Variants in TBC1D4 observed in about 807,000 individuals in gnomAD.
TBC1D4 encodes TBC1 domain family member 4, also known as TBC (Tre-2, BUB2, CDC16) domain-containing protein.
A neutral mutation model predicts 142.5 loss-of-function variants in TBC1D4; 121 were observed. The ratio of observed to expected loss-of-function variants is 0.85; its 90% CI spans 0.73 to 0.99. TBC1D4 has a LOEUF of 0.99. TBC1D4 is among the 50% of genes least tolerant of loss of function. TBC1D4 has a pLI of 0.00. For synonymous variants in TBC1D4, 630 were observed against 628.2 expected, an observed-to-expected ratio of 1.00 and a Z score of -0.04; for missense variants, 1,475 against 1,606.6, an observed-to-expected ratio of 0.92 and a Z score of 1.40.
intron 1 of TBC1D4, among the ~76,000 whole-genome samples, chr13:75,417,824 A>C (rs1885984056): frequency 6.6e-6 from 1 of 152,204 alleles, no homozygotes; most frequent in Non-Finnish European, 1.5e-5. Flanking sequence ...TTTCAACTCT[A>C]CTGATGAACA....
In TBC1D4 at chr13:75,474,768, C is replaced by T. The variant is rs546851951; in HGVS notation, c.498+6502G>A. 7.2e-5 allele frequency among the ~76,000 whole-genome samples: 11 copies of T among 151,924 alleles called. No homozygotes were observed. In the South Asian group the frequency reaches 2.1e-3, roughly 29 times the overall value. ...TCTCCTGCCTCAGCCTCCCAAGTAG[C>T]TGTGATTACAGGCGTATGCCACCAT... On this transcript the variant is annotated intron_variant, in intron 1 of 20. Transcript: ENST00000377636.
intron 3 of TBC1D4, 112 bp from the exon 4 acceptor site, chr13:75,356,363 T>A (rs1882048888): frequency 1.3e-6 from 1 of 783,336 alleles, no homozygotes; most frequent in Non-Finnish European, 2.2e-6. Context: ...GAATTTCTCC[T>A]TCACAGCAAT....
intron 1 of TBC1D4, among the ~76,000 whole-genome samples, chr13:75,466,539 T>C (rs1888174455): frequency 6.6e-6 from 1 of 152,204 alleles, no homozygotes; most frequent in Non-Finnish European, 1.5e-5. Flanking sequence ...AAAGCATTTG[T>C]TGTAATTCTC....
At chr13:75,360,746 G>A (rs1372680704) in intron 2 of TBC1D4, among the ~76,000 whole-genome samples, 1 of 152,118 alleles carries the variant, frequency 6.6e-6, no homozygotes, top group Non-Finnish European at 1.5e-5. Flanking sequence ...AAGGCAAAAT[G>A]TTTGTAAGTG....
At chr13:75,409,596 T>C (rs1029846766) in intron 1 of TBC1D4, among the ~76,000 whole-genome samples, 1 of 152,312 alleles carries the variant, frequency 6.6e-6, no homozygotes, top group East Asian at 1.9e-4. Flanking sequence ...GTTTAGTTCA[T>C]TCCACAGTTT....
chr13:75,462,453 G>A (rs1480883518), intron 1 of TBC1D4, among the ~76,000 whole-genome samples: 1 of 151,772 alleles, frequency 6.6e-6, no homozygotes, highest in African/African-American at 2.4e-5. Flanking sequence ...TCTCTTACTA[G>A]GTAGAAGAGT....
At chr13:75,449,231 T>C (rs1286969836) in intron 1 of TBC1D4, among the ~76,000 whole-genome samples, 1 of 151,580 alleles carries the variant, frequency 6.6e-6, no homozygotes, top group Non-Finnish European at 1.5e-5. Flanking sequence ...TTGAACCATA[T>C]GTGTGTGTGT....
At chr13:75,354,682 C>T (rs1054532826) in intron 4 of TBC1D4, among the ~76,000 whole-genome samples, 4 of 151,690 alleles carry the variant, frequency 2.6e-5, no homozygotes, top group Admixed American at 1.3e-4. Flanking sequence ...GAGGTGTGGG[C>T]GTGTAGGGGA....
intron 1 of TBC1D4, among the ~76,000 whole-genome samples, chr13:75,366,717 T>C (rs1197594154): frequency 6.6e-6 from 1 of 152,182 alleles, no homozygotes; most frequent in South Asian, 2.1e-4. Context: ...GATTCCTTGA[T>C]GTCATGCTGT....
At chr13:75,305,285 T>C (rs1877059579) in intron 15 of TBC1D4, among the ~76,000 whole-genome samples, 1 of 152,200 alleles carries the variant, frequency 6.6e-6, no homozygotes, top group Non-Finnish European at 1.5e-5. Flanking sequence ...TTTGTCTTTA[T>C]CAGCAGCCTA....
chr13:75,444,204 A>G (rs879743688), intron 1 of TBC1D4, among the ~76,000 whole-genome samples: 1 of 152,160 alleles, frequency 6.6e-6, no homozygotes, highest in Non-Finnish European at 1.5e-5. Flanking sequence ...GCTCACTACA[A>G]CTTTGAACTC....
At position 75,312,837 on chromosome 13, in the gene TBC1D4, C is replaced by T; in HGVS notation, c.2284G>A (p.Gly762Arg). The part of the protein sequence containing the change: ...TCSNESLSVG[G>R]TSVTPRRISW... ...ATCCGGCGAGGAGTGACAGAGGTTC[C>T]TCCCACACTTAGGGACTCATTGCTG... The change falls in exon 13 of 21, where the codon GGA becomes AGA. Residue 762 changes from glycine (G) to arginine (R), a missense_variant. Gly to Arg is a moderately radical substitution (Grantham distance 125). This residue lies in a region of TBC1D4 where 1,227 missense variants were observed against 1,267.7 expected (regional missense o/e 0.97). Transcript: ENST00000377636. 6.2e-7 allele frequency: 1 copy of T among 1,614,168 alleles called. No individual in the cohort carries two copies. The highest frequency in any genetic ancestry group is 1.1e-5 in the South Asian group (1 of 91,082).
intron 3 of TBC1D4, among the ~76,000 whole-genome samples, chr13:75,358,700 T>TA (rs1381894505): frequency 2.0e-5 from 3 of 150,312 alleles, no homozygotes; most frequent in Non-Finnish European, 3.0e-5. Context: ...TTCAAGAAAA[T>TA]AAAAAAAATA....
intron 1 of TBC1D4, among the ~76,000 whole-genome samples, chr13:75,434,523 G>A (rs71433187): frequency 6.6e-6 from 1 of 152,038 alleles, no homozygotes; most frequent in African/African-American, 2.4e-5. Context: ...GAGAGGGGCA[G>A]AAAAGATAAC....
chr13:75,361,659 C>T (rs1199354143), intron 2 of TBC1D4, among the ~76,000 whole-genome samples: 1 of 152,192 alleles, frequency 6.6e-6, no homozygotes, highest in Non-Finnish European at 1.5e-5. Context: ...GAATTACAGG[C>T]GTGAGCCCCC....
intron 8 of TBC1D4, among the ~76,000 whole-genome samples, chr13:75,333,946 C>A (rs1879975816): frequency 1.3e-5 from 2 of 152,160 alleles, no homozygotes; most frequent in African/African-American, 4.8e-5. Context: ...GACAGGAATA[C>A]CACAGAAGCA....
At chr13:75,300,415 G>A (rs1465750051) in intron 16 of TBC1D4, among the ~76,000 whole-genome samples, 2 of 152,120 alleles carry the variant, frequency 1.3e-5, no homozygotes, top group Non-Finnish European at 2.9e-5. Context: ...AAATGAAGGG[G>A]GATGTTAGCT....
In TBC1D4 at chr13:75,285,812, C is replaced by A. The variant is rs3812848; in HGVS notation, c.*980G>T. 1.3e-5 allele frequency: 2 copies of A among 152,424 alleles called. No homozygotes were observed. Among genetic ancestry groups the A allele is most frequent in the Non-Finnish European group, 1.5e-5 (1 of 67,984 alleles). The allele number at this position is 152,424 out of a possible 1,614,324, so 9.4% of individuals were successfully genotyped here. On this transcript the variant is annotated 3_prime_UTR_variant, in exon 21 of 21. Coordinates refer to ENST00000377636, the MANE Select transcript of TBC1D4 (RefSeq NM_014832.5). ...TCAATCATAATTACGTTTCCTTATA[C>A]TGAATTTAAGGTAGAGAGACCTAAA... is the stretch of plus-strand genomic sequence containing the variant.
At position 75,284,138 on chromosome 13, in the gene TBC1D4, G is replaced by A. The variant is rs1874484577; in HGVS notation, c.*2654C>T. Among the ~76,000 whole-genome samples the A allele has an allele frequency of 6.6e-6, 1 of 152,248 alleles. No individual in the cohort carries two copies. Among genetic ancestry groups the A allele is most frequent in the Non-Finnish European group, 1.5e-5 (1 of 68,024 alleles). ...CCTAGAGATGGGGTTTCACCATGCA[G>A]ATCTTGTAAAGCAGCGGTCTTCAAC... On this transcript the variant is annotated 3_prime_UTR_variant, in exon 21 of 21. Transcript: ENST00000377636.
Sources: allele counts gnomAD v4.1 joint callset (sites outside exome capture counted in the v4.1 genomes callset), GRCh38; gene constraint gnomAD v4.1.1; regional missense constraint gnomAD v4.1.1; transcripts MANE v1.5; gene names NCBI Gene and HGNC (gene_info 2026-07-23, HGNC 2026-07-21).